The following NELL1 variants were observed in gnomAD, a reference collection of about 807,000 sequenced individuals.
NELL1 encodes the protein neural EGFL like 1, also known as protein kinase C-binding protein NELL1.
A neutral mutation model predicts 107.4 loss-of-function variants in NELL1; 76 were observed. The observed-to-expected ratio is 0.71, with a 90% CI of 0.59 to 0.86. The LOEUF (loss-of-function observed/expected upper bound fraction) is 0.86. Among genes scored for constraint, NELL1 ranks in the 40% least tolerant of loss-of-function variants. The probability of loss-of-function intolerance (pLI) is 0.00; values close to 1 mark genes in which losing one functional copy is unlikely to be tolerated. For missense variants in NELL1, 1,024 were observed against 1,005.5 expected, an observed-to-expected ratio of 1.02 and a Z score of -0.25; for synonymous variants, 353 against 341.2, an observed-to-expected ratio of 1.03 and a Z score of -0.38.
At chr11:20,946,266 T>C (rs1312090750) in intron 10 of NELL1, among the ~76,000 whole-genome samples, 1 of 152,178 alleles carries the variant, frequency 6.6e-6, no homozygotes, top group Non-Finnish European at 1.5e-5. Flanking sequence ...GGAACTACCT[T>C]TTGGCCTTAA....
At chr11:21,452,110 CAGAAA>C (rs1426215623) in intron 15 of NELL1, among the ~76,000 whole-genome samples, 3 of 152,112 alleles carry the variant, frequency 2.0e-5, no homozygotes, top group South Asian at 2.1e-4. Context: ...TAATTATTGT[CAGAAA>C]AGAAAAGAGA....
At chr11:20,752,420 A>T (rs544396605) in intron 2 of NELL1, among the ~76,000 whole-genome samples, 3 of 152,232 alleles carry the variant, frequency 2.0e-5, no homozygotes, top group Admixed American at 1.3e-4. Context: ...GTGGTGGTGC[A>T]TGCCTGTAAT....
chr11:20,910,158 G>A lies in NELL1; in HGVS notation c.604-8024G>A, dbSNP rs547857006. Among the ~76,000 whole-genome samples the A allele has an allele frequency of 3.3e-5, 5 of 152,254 alleles. 1 individual carries two copies. The highest frequency in any genetic ancestry group is 2.9e-5 in the Non-Finnish European group (2 of 68,016). On this transcript the variant is annotated intron_variant, in intron 5 of 19. Transcript: ENST00000357134. Reference sequence around the variant, plus strand: ...AACTCCTGGCTGGGGCAATGTTGACGACTGGACCATGTGTCTTTCATTATC... The same window carrying A: ...AACTCCTGGCTGGGGCAATGTTGACAACTGGACCATGTGTCTTTCATTATC...
At chr11:21,456,199 C>A (rs1853729870) in intron 15 of NELL1, among the ~76,000 whole-genome samples, 1 of 152,084 alleles carries the variant, frequency 6.6e-6, no homozygotes, top group African/African-American at 2.4e-5. Context: ...ACTCTTTCTT[C>A]TTTTGCTTGG....
chr11:20,747,205 G>A (rs942343835), intron 2 of NELL1, among the ~76,000 whole-genome samples: 1 of 152,184 alleles, frequency 6.6e-6, no homozygotes, highest in African/African-American at 2.4e-5. Context: ...ATGTATCTGT[G>A]TATAAAGATA....
chr11:21,045,447 A>G (rs1240777972), intron 12 of NELL1, among the ~76,000 whole-genome samples: 1 of 152,166 alleles, frequency 6.6e-6, no homozygotes, highest in Non-Finnish European at 1.5e-5. Context: ...TTATATACAT[A>G]GGAAATGTTT....
rs182757464 is a variant in NELL1, at chr11:20,687,665, C to T, written c.184+9605C>T. ...GTAGTGCAGTGGCACAGTCTCTGCT[C>T]ACTGCAACCTCCGCCTCCTGGGTTC... On this transcript the variant is annotated intron_variant, in intron 2 of 19. Coordinates refer to ENST00000357134, the MANE Select transcript of NELL1 (RefSeq NM_006157.5). Among the ~76,000 whole-genome samples the T allele has an allele frequency of 4.1e-4, 62 of 151,758 alleles. No individual in the cohort carries two copies. The Middle Eastern group carries it at 0.017, about 42-fold the overall frequency.
chr11:21,011,870 A>G (rs560417893), intron 12 of NELL1, among the ~76,000 whole-genome samples: 1 of 152,122 alleles, frequency 6.6e-6, no homozygotes, highest in Non-Finnish European at 1.5e-5. Flanking sequence ...ACTATTAAAT[A>G]AGCATTCCAC....
At chr11:20,752,169 A>AC (rs1856155651) in intron 2 of NELL1, among the ~76,000 whole-genome samples, 1 of 126,100 alleles carries the variant, frequency 7.9e-6, no homozygotes, top group Non-Finnish European at 1.7e-5. Flanking sequence ...TATTTCATCA[A>AC]GTCTGATGTT....
chr11:20,855,591 T>G (rs542644583), intron 4 of NELL1, among the ~76,000 whole-genome samples: 9 of 152,288 alleles, frequency 5.9e-5, no homozygotes, highest in African/African-American at 1.7e-4. Context: ...AGGGGGAAAA[T>G]AGGCTGCAAG....
At chr11:20,766,920 T>G (rs1856545013) in intron 2 of NELL1, among the ~76,000 whole-genome samples, 1 of 152,094 alleles carries the variant, frequency 6.6e-6, no homozygotes, top group South Asian at 2.1e-4. Context: ...TTTTTTGTAT[T>G]TTTAGTAAAG....
At chr11:20,697,624 G>T (rs919126002) in intron 2 of NELL1, among the ~76,000 whole-genome samples, 2 of 152,146 alleles carry the variant, frequency 1.3e-5, no homozygotes, top group Non-Finnish European at 2.9e-5. Context: ...ATAAGGTAAA[G>T]ATCTCAGCCT....
intron 12 of NELL1, among the ~76,000 whole-genome samples, chr11:21,072,974 A>G (rs1034892423): frequency 2.0e-5 from 3 of 152,110 alleles, no homozygotes; most frequent in African/African-American, 7.2e-5. Context: ...CTTTTAATCT[A>G]GCTTGCTCTT....
At chr11:21,522,297 A>G (rs1855746075) in intron 15 of NELL1, among the ~76,000 whole-genome samples, 1 of 152,152 alleles carries the variant, frequency 6.6e-6, no homozygotes, top group Non-Finnish European at 1.5e-5. Flanking sequence ...CGCAATAATG[A>G]CAATAGGGAA....
In NELL1 at chr11:21,113,300, A is replaced by G. The variant is rs531363722; in HGVS notation, c.1301-289A>G. 1.2e-4 allele frequency among the ~76,000 whole-genome samples: 19 copies of G among 152,090 alleles called. No homozygotes were observed. In the East Asian group the frequency reaches 3.5e-3, roughly 28 times the overall value. ...CAGAACTCCTTGAATTTGGACATTT[A>G]AAAAGAGTATTCTCCTTGGTAAGAA... On this transcript the variant is annotated intron_variant, in intron 12 of 19. Coordinates refer to ENST00000357134, the MANE Select transcript of NELL1 (RefSeq NM_006157.5).
chr11:21,471,375 A>G lies in NELL1; in HGVS notation c.1646-62999A>G, dbSNP rs61885942. Among the ~76,000 whole-genome samples the G allele has an allele frequency of 2.2e-3, 330 of 152,228 alleles. 1 individual carries two copies. Among genetic ancestry groups the G allele is most frequent in the Non-Finnish European group, 3.5e-3 (240 of 67,982 alleles). ...GTCTTGACCACTAGAACATGCTTTA[A>G]TAAAACTATTTAGAAATATGTTCTT... On this transcript the variant is annotated intron_variant, in intron 15 of 19. Transcript: ENST00000357134.
chr11:21,571,007 G>A, intron 18 of NELL1, 67 bp downstream of exon 18: 1 of 1,465,766 alleles, frequency 6.8e-7, no homozygotes, highest in Non-Finnish European at 9.4e-7. Flanking sequence ...TCAGTTGTCT[G>A]TGGGACCTAG....
chr11:20,731,683 C>T (rs903389797), intron 2 of NELL1, among the ~76,000 whole-genome samples: 4 of 152,112 alleles, frequency 2.6e-5, no homozygotes, highest in Admixed American at 1.3e-4. Flanking sequence ...GGTAACTTAC[C>T]TCTCTGCACA....
intron 15 of NELL1, among the ~76,000 whole-genome samples, chr11:21,381,896 T>C (rs955172314): frequency 6.6e-5 from 9 of 136,812 alleles, no homozygotes; most frequent in African/African-American, 8.2e-5. Context: ...GTATGGTCCC[T>C]GGAAGGGATT....
Sources: allele counts gnomAD v4.1 joint callset (sites outside exome capture counted in the v4.1 genomes callset), GRCh38; gene constraint gnomAD v4.1.1; transcripts MANE v1.5; gene names NCBI Gene and HGNC (gene_info 2026-07-23, HGNC 2026-07-21).